PRDM1: variants seen among roughly 807,000 people sequenced by gnomAD.
PRDM1 encodes PR domain zinc finger protein 1.
PRDM1 carries 13 observed loss-of-function variants against 62.8 expected under a neutral mutation model. The observed-to-expected ratio is 0.21, with a 90% CI of 0.13 to 0.33. The LOEUF is 0.33. PRDM1 is among the 10% of genes least tolerant of loss of function. The probability of loss-of-function intolerance (pLI) is 1.00; values close to 1 mark genes in which losing one functional copy is unlikely to be tolerated. For synonymous variants in PRDM1, 396 were observed against 417.6 expected (o/e 0.95, Z 0.63); for missense variants, 895 against 1,058.8 (o/e 0.85, Z 2.15).
Position 106,108,016 on chromosome 6 carries a change from T to C in PRDM1, c.*530T>C, listed in dbSNP as rs1289156747. 3 of 232,942 alleles carry C rather than the reference T, an allele frequency of 1.3e-5. No homozygotes were observed. Among genetic ancestry groups the C allele is most frequent in the South Asian group, 1.8e-4 (1 of 5,520 alleles). 14.4% of individuals were successfully genotyped at this position (232,942 alleles called of 1,614,324 possible). On this transcript the variant is annotated 3_prime_UTR_variant, in exon 7 of 7. Coordinates refer to ENST00000369096, the MANE Select transcript of PRDM1 (RefSeq NM_001198.4). Reference sequence around the variant, plus strand: ...TACCTAAGATTTAGTTAAACAAATATATGACTTCAGTCAACCTCTCTCTCT... The same window carrying C: ...TACCTAAGATTTAGTTAAACAAATACATGACTTCAGTCAACCTCTCTCTCT...
chr6:106,016,058 A>T (rs1159744382), intron 1 of PRDM1, among the ~76,000 whole-genome samples: 1 of 152,198 alleles, frequency 6.6e-6, no homozygotes, highest in Middle Eastern at 3.2e-3. Context: ...ATATATATGT[A>T]AAATCATACA....
At chr6:106,006,658 T>G (rs1772487482) in intron 1 of PRDM1, among the ~76,000 whole-genome samples, 1 of 152,000 alleles carries the variant, frequency 6.6e-6, no homozygotes, top group Admixed American at 6.6e-5. Flanking sequence ...CCTCAGGGTT[T>G]GGGTGGTACA....
chr6:106,108,787 C>T lies in PRDM1; in HGVS notation c.*1301C>T, dbSNP rs957211581. ...GTTAATTTAATGGAAGATGAAAGGG[C>T]ATTGCAAAGTTGTTCAACAACAGTT... On this transcript the variant is annotated 3_prime_UTR_variant, in exon 7 of 7. Coordinates refer to ENST00000369096, the MANE Select transcript of PRDM1 (RefSeq NM_001198.4). 2 of 232,804 alleles carry T rather than the reference C, an allele frequency of 8.6e-6. No homozygotes were observed. Among genetic ancestry groups the T allele is most frequent in the African/African-American group, 4.4e-5 (2 of 45,202 alleles). The allele number at this position is 232,804 out of a possible 1,614,324, so 14.4% of individuals were successfully genotyped here.
At chr6:106,101,169 A>C (rs1211401214) in intron 4 of PRDM1, among the ~76,000 whole-genome samples, 1 of 152,018 alleles carries the variant, frequency 6.6e-6, no homozygotes, top group Non-Finnish European at 1.5e-5. Flanking sequence ...CTTCCACTTA[A>C]GGGTCTCCTT....
At chr6:106,102,781 A>C (rs1423153273) in intron 4 of PRDM1, among the ~76,000 whole-genome samples, 1 of 152,212 alleles carries the variant, frequency 6.6e-6, no homozygotes, top group Non-Finnish European at 1.5e-5. Context: ...AATTTGAGTA[A>C]AAATGGCTCA....
At chr6:106,083,886 G>C (rs1330773065), upstream of PRDM1, among the ~76,000 whole-genome samples, 1 of 152,150 alleles carries the variant, frequency 6.6e-6, no homozygotes, top group Non-Finnish European at 1.5e-5. Flanking sequence ...CTGCTGCCAG[G>C]GTCTCCCAGC....
At chr6:106,089,368 A>C (rs1422444177) in intron 2 of PRDM1, among the ~76,000 whole-genome samples, 1 of 152,192 alleles carries the variant, frequency 6.6e-6, no homozygotes, top group Non-Finnish European at 1.5e-5. Flanking sequence ...AAGTAGGGAA[A>C]GGGGATGGTT....
At chr6:106,026,244 C>T (rs952436632) in intron 1 of PRDM1, among the ~76,000 whole-genome samples, 15 of 152,094 alleles carry the variant, frequency 9.9e-5, no homozygotes, top group Admixed American at 2.6e-4. Context: ...TTTGAGAGGC[C>T]AAGGCAGGAG....
At chr6:106,079,266 A>G (rs1198818040) in intron 1 of PRDM1, among the ~76,000 whole-genome samples, 1 of 152,030 alleles carries the variant, frequency 6.6e-6, no homozygotes, top group Non-Finnish European at 1.5e-5. Flanking sequence ...CGCCTGGTCT[A>G]TTATTTTTAA....
At chr6:106,000,245 A>G (rs1772411666) in intron 1 of PRDM1, among the ~76,000 whole-genome samples, 1 of 152,212 alleles carries the variant, frequency 6.6e-6, no homozygotes, top group Non-Finnish European at 1.5e-5. Context: ...TATCTCCAAG[A>G]CATTTCAAAG....
intron 1 of PRDM1, among the ~76,000 whole-genome samples, chr6:106,024,011 A>C (rs1772732492): frequency 6.6e-6 from 1 of 152,092 alleles, no homozygotes; most frequent in South Asian, 2.1e-4. Context: ...GCATGGTAGC[A>C]CGCGCCTGTA....
intron 1 of PRDM1, among the ~76,000 whole-genome samples, chr6:106,080,290 A>C (rs776188921): frequency 4.6e-5 from 7 of 152,142 alleles, no homozygotes; most frequent in Non-Finnish European, 1.0e-4. Flanking sequence ...TGTTGAGCCT[A>C]ATGCAAAGTG....
At chr6:106,022,633 C>G (rs1198142589) in intron 1 of PRDM1, among the ~76,000 whole-genome samples, 1 of 152,224 alleles carries the variant, frequency 6.6e-6, no homozygotes, top group East Asian at 1.9e-4. Context: ...CCATGTTGGC[C>G]AGGCTGGTCT....
chr6:106,041,932 C>T (rs2114575919), intron 1 of PRDM1, among the ~76,000 whole-genome samples: 1 of 151,218 alleles, frequency 6.6e-6, no homozygotes, highest in East Asian at 2.0e-4. Flanking sequence ...CTCAGCCTCC[C>T]AGGTAGCTCA....
chr6:105,998,026 G>C (rs925306255), intron 1 of PRDM1, among the ~76,000 whole-genome samples: 3 of 152,114 alleles, frequency 2.0e-5, no homozygotes, highest in Admixed American at 1.3e-4. Context: ...TGTTTAGTTG[G>C]TTTCTATTTT....
intron 3 of PRDM1, among the ~76,000 whole-genome samples, chr6:106,096,430 G>T (rs542269737): frequency 5.3e-5 from 8 of 152,320 alleles, no homozygotes; most frequent in Non-Finnish European, 8.8e-5. Context: ...ACAGGCAAGA[G>T]CCACCGCGCC....
chr6:106,062,115 T>G (rs1773354256), intron 1 of PRDM1, among the ~76,000 whole-genome samples: 1 of 152,262 alleles, frequency 6.6e-6, no homozygotes, highest in Non-Finnish European at 1.5e-5. Flanking sequence ...AAAAATCTTT[T>G]AGACCCCACT....
Position 106,027,573 on chromosome 6 carries a change from G to C in PRDM1, c.-67+33934G>C, listed in dbSNP as rs143772601. ...ATGAGGGAGAGGTCTGCTCTAGCAG[G>C]GAGAGAAAGAGTTGTAAAGTACAGA... On this transcript the variant is annotated intron_variant, in intron 1 of 6. Coordinates refer to the PRDM1 transcript ENST00000652320. Among the ~76,000 whole-genome samples the C allele has an allele frequency of 1.8e-3, 280 of 152,044 alleles. 1 individual carries two copies. Among genetic ancestry groups the C allele is most frequent in the Non-Finnish European group, 3.6e-3 (245 of 67,990 alleles).
intron 1 of PRDM1, among the ~76,000 whole-genome samples, chr6:106,040,340 G>A (rs1347415749): frequency 2.0e-5 from 3 of 152,170 alleles, no homozygotes; most frequent in Non-Finnish European, 4.4e-5. Flanking sequence ...AATGGAGGGT[G>A]TGGGGTTGCT....
Sources: gnomAD v4.1 joint callset for allele counts (sites outside exome capture counted in the v4.1 genomes callset) on GRCh38, gnomAD v4.1.1 for gene constraint, MANE v1.5 for transcripts, NCBI Gene and HGNC (gene_info 2026-07-23, HGNC 2026-07-21) for gene names.